SLC5A11: variants seen among roughly 807,000 people sequenced by gnomAD.
SLC5A11 encodes sodium/myo-inositol cotransporter 2.
SLC5A11 carries 48 observed loss-of-function variants against 69.8 expected under a neutral mutation model. The observed-to-expected ratio is 0.69, with a 90% confidence interval of 0.55 to 0.87. The LOEUF (loss-of-function observed/expected upper bound fraction) is 0.87. Among genes scored for constraint, SLC5A11 ranks in the 40% least tolerant of loss-of-function variants. The pLI is 0.00. For missense variants in SLC5A11, 784 were observed against 866.1 expected (o/e 0.91, Z 1.19); for synonymous variants, 319 against 342.4 (o/e 0.93, Z 0.75).
intron 8 of SLC5A11, 67 bp downstream of exon 9, chr16:24,884,198 C>T: frequency 6.1e-6 from 9 of 1,471,592 alleles, no homozygotes; most frequent in Non-Finnish European, 7.6e-6. Context: ...TATCTGCTCT[C>T]CACACTGTGA....
In SLC5A11 at chr16:24,905,293, A is replaced by C. The variant is rs936873429; in HGVS notation, c.1007-1364A>C. 6.0e-4 allele frequency among the ~76,000 whole-genome samples: 90 copies of C among 148,762 alleles called. 2 individuals carry two copies. In the East Asian group the frequency reaches 0.015, roughly 24 times the overall value. On this transcript the variant is annotated intron_variant, in intron 10 of 15. Coordinates refer to ENST00000347898, the Ensembl canonical transcript of SLC5A11. ...ACAAAAAAAAAAAAAAAAAAAAAAAAAAACCTGGGTGTGGTGGCACGCCTA... is the reference window on the plus strand; with the variant it reads ...ACAAAAAAAAAAAAAAAAAAAAAAACAAACCTGGGTGTGGTGGCACGCCTA...
intron 7 of SLC5A11, among the ~76,000 whole-genome samples, chr16:24,877,596 T>C (rs369200462): frequency 9.2e-5 from 14 of 152,320 alleles, no homozygotes; most frequent in African/African-American, 3.4e-4. Flanking sequence ...ATGCCCGTAA[T>C]CCCAGCACTT....
At chr16:24,888,035 G>A (rs2048499072) in intron 8 of SLC5A11, among the ~76,000 whole-genome samples, 1 of 152,064 alleles carries the variant, frequency 6.6e-6, no homozygotes, top group Admixed American at 6.6e-5. Flanking sequence ...TAAGGATTTA[G>A]AAGATATAAA....
chr16:24,851,938 A>G (rs1472210075), intron 1 of SLC5A11, among the ~76,000 whole-genome samples: 2 of 149,158 alleles, frequency 1.3e-5, no homozygotes, highest in Non-Finnish European at 3.0e-5. Context: ...AGTCATTGTC[A>G]TTTTCATTCA....
Position 24,860,241 on chromosome 16 carries a change from C to A in SLC5A11, c.135+1463C>A, listed in dbSNP as rs147552310. On this transcript the variant is annotated intron_variant, in intron 2 of 15. Coordinates refer to ENST00000347898, the Ensembl canonical transcript of SLC5A11. ...GGCAGAGCTTGCAGTGAGCCGAGAT[C>A]GTGCCACTGCACTCCAGCCTGGGCG... is the stretch of plus-strand genomic sequence containing the variant. Among the ~76,000 whole-genome samples, 6 of 152,102 alleles carry A rather than the reference C, an allele frequency of 3.9e-5. 1 individual carries two copies. Among genetic ancestry groups the A allele is most frequent in the Admixed American group, 1.3e-4 (2 of 15,254 alleles).
chr16:24,898,510 C>T (rs1567677283), intron 10 of SLC5A11, among the ~76,000 whole-genome samples: 1 of 141,724 alleles, frequency 7.1e-6, no homozygotes, highest in African/African-American at 2.6e-5. Context: ...ATGCCCAGTC[C>T]TTTTTTTTTT....
chr16:24,868,877 T>C (rs2047090562), intron 3 of SLC5A11, among the ~76,000 whole-genome samples: 1 of 149,780 alleles, frequency 6.7e-6, no homozygotes, highest in Non-Finnish European at 1.5e-5. Context: ...GATCTGCCTT[T>C]TTTTTTTTTT....
intron 1 of SLC5A11, among the ~76,000 whole-genome samples, chr16:24,849,178 T>C (rs895927173): frequency 6.6e-6 from 1 of 152,126 alleles, no homozygotes; most frequent in African/African-American, 2.4e-5. Context: ...GCTGCAGCTG[T>C]CATTTAGTGA....
At chr16:24,875,450 G>A (rs1432775633) in intron 5 of SLC5A11, among the ~76,000 whole-genome samples, 177 bp from the exon 7 acceptor site, 1 of 152,182 alleles carries the variant, frequency 6.6e-6, no homozygotes, top group African/African-American at 2.4e-5. Flanking sequence ...CCAAAGTGAT[G>A]GGAACCAACT....
intron 10 of SLC5A11, among the ~76,000 whole-genome samples, chr16:24,902,155 C>G (rs1189907723): frequency 6.6e-6 from 1 of 151,896 alleles, no homozygotes; most frequent in Non-Finnish European, 1.5e-5. Flanking sequence ...GTGCTAAATG[C>G]CAGGAGGAGG....
Position 24,877,094 on chromosome 16 carries a change from G to A in SLC5A11, c.478-164G>A, listed in dbSNP as rs375458880. ...CAGGGCCCACAGGGCTCCAGCTGAA[G>A]ACCCCTGATCTGGGATGCAGTGGAT... On this transcript the variant is annotated intron_variant, in intron 6 of 15. Transcript: ENST00000347898. 4,052 of 1,472,630 alleles carry A rather than the reference G, an allele frequency of 2.8e-3. 146 individuals are homozygous for A. The South Asian group carries it at 0.053, about 19-fold the overall frequency. The allele number at this position is 1,472,630 out of a possible 1,614,324, so 91.2% of individuals were successfully genotyped here.
Position 24,874,950 on chromosome 16 carries a change from G to C in SLC5A11, c.373-677G>C, listed in dbSNP as rs192730914. Among the ~76,000 whole-genome samples the C allele has an allele frequency of 5.2e-4, 79 of 152,158 alleles. 1 individual carries two copies. In the East Asian group the frequency reaches 0.015, roughly 29 times the overall value. Reference sequence around the variant, plus strand: ...CCATTTGGATTTCCTCTTTGAGGAAGTAACTTGTCTAGGACTTTTGTCCAT... The same window carrying C: ...CCATTTGGATTTCCTCTTTGAGGAACTAACTTGTCTAGGACTTTTGTCCAT... On this transcript the variant is annotated intron_variant, in intron 5 of 15. Transcript: ENST00000347898.
At chr16:24,899,878 A>T (rs1227757794) in intron 10 of SLC5A11, among the ~76,000 whole-genome samples, 4 of 151,614 alleles carry the variant, frequency 2.6e-5, no homozygotes, top group Non-Finnish European at 5.9e-5. Flanking sequence ...GATTTTTATA[A>T]TTTTTGTAGC....
chr16:24,903,925 T>C (rs12928511), intron 10 of SLC5A11, among the ~76,000 whole-genome samples: 15,166 of 152,224 alleles, frequency 0.1, 1,011 homozygotes, highest in Admixed American at 0.22. Flanking sequence ...GGGTAATTTA[T>C]AAAGGAAAGA....
intron 5 of SLC5A11, 32 bp from the exon 7 acceptor site, chr16:24,875,595 G>A (rs761190348): frequency 5.1e-5 from 81 of 1,588,378 alleles, no homozygotes; most frequent in East Asian, 1.4e-4. Flanking sequence ...GGTGAAGTCC[G>A]CTGGTGGTGA....
chr16:24,884,926 A>T (rs1174912435), intron 8 of SLC5A11, among the ~76,000 whole-genome samples: 1 of 151,694 alleles, frequency 6.6e-6, no homozygotes, highest in Non-Finnish European at 1.5e-5. Context: ...ATTTTTTTAA[A>T]TAGATGGGGT....
intron 10 of SLC5A11, among the ~76,000 whole-genome samples, chr16:24,903,506 C>T (rs2049800788): frequency 6.6e-6 from 1 of 152,188 alleles, no homozygotes; most frequent in Non-Finnish European, 1.5e-5. Flanking sequence ...CCCTCCTCCC[C>T]ACTACCCTTC....
chr16:24,875,959 C>T (rs539748971), intron 6 of SLC5A11, among the ~76,000 whole-genome samples: 10 of 152,160 alleles, frequency 6.6e-5, no homozygotes, highest in Admixed American at 2.0e-4. Context: ...CTTTGGGAGG[C>T]TGAGGCAGGT....
chr16:24,907,239 A>C, intron 12 of SLC5A11, 64 bp downstream of exon 13: 2 of 1,585,372 alleles, frequency 1.3e-6, no homozygotes, highest in Non-Finnish European at 1.7e-6. Flanking sequence ...CCAGAGGCAA[A>C]GTCCAGGTTC....
Sources: allele counts gnomAD v4.1 joint callset (sites outside exome capture counted in the v4.1 genomes callset), GRCh38; gene constraint gnomAD v4.1.1; transcripts MANE v1.5; gene names NCBI Gene and HGNC (gene_info 2026-07-23, HGNC 2026-07-21).